The following GRID1 variants were observed in gnomAD, a reference collection of about 807,000 sequenced individuals.
GRID1 encodes glutamate receptor ionotropic, delta-1.
Under a neutral mutation model 98.0 loss-of-function variants are expected in GRID1, and 28 were observed. The ratio of observed to expected loss-of-function variants is 0.29; its 90% CI spans 0.21 to 0.39. The LOEUF (loss-of-function observed/expected upper bound fraction) is 0.39, where lower values mean the gene tolerates loss of function less well. GRID1 is among the 10% of genes least tolerant of loss of function. The probability of loss-of-function intolerance (pLI) is 1.00; values close to 1 mark genes in which losing one functional copy is unlikely to be tolerated. For missense variants in GRID1, 1,111 were observed against 1,340.5 expected (o/e 0.83, Z 2.67); for synonymous variants, 553 against 538.5 (o/e 1.03, Z -0.37).
chr10:85,751,495 G>A (rs1004407415), intron 8 of GRID1, among the ~76,000 whole-genome samples: 54 of 152,110 alleles, frequency 3.6e-4, no homozygotes, highest in Non-Finnish European at 5.9e-5. Context: ...TCACATCAAT[G>A]GGTCCACATG....
rs368917055 is a variant in GRID1, at chr10:85,735,846, G to GAGGA, written c.1234-6236_1234-6233dup. ...GATGCAGGGAAGGAAAGAAGGAAGG[G>GAGGA]AGGAAGGAAGGAAGGAAGGAAGGAG... On this transcript the variant is annotated intron_variant, in intron 8 of 15. Coordinates refer to ENST00000327946, the MANE Select transcript of GRID1 (RefSeq NM_017551.3). 4.1e-3 allele frequency among the ~76,000 whole-genome samples: 608 copies of GAGGA among 146,560 alleles called. 2 individuals are homozygous for GAGGA. Among genetic ancestry groups the GAGGA allele is most frequent in the Non-Finnish European group, 5.5e-3 (361 of 66,034 alleles).
At chr10:86,329,162 G>A (rs1192430342) in intron 2 of GRID1, among the ~76,000 whole-genome samples, 2 of 152,298 alleles carry the variant, frequency 1.3e-5, no homozygotes, top group African/African-American at 2.4e-5. Context: ...CATCCCTCCC[G>A]AGCCCTCTAA....
At chr10:86,337,456 C>T (rs1411764283) in intron 2 of GRID1, among the ~76,000 whole-genome samples, 1 of 152,158 alleles carries the variant, frequency 6.6e-6, no homozygotes, top group Non-Finnish European at 1.5e-5. Context: ...AGCTACAACA[C>T]CACAGAAAGC....
At chr10:86,150,410 C>T (rs2131979751) in intron 3 of GRID1, among the ~76,000 whole-genome samples, 1 of 152,350 alleles carries the variant, frequency 6.6e-6, no homozygotes, top group African/African-American at 2.4e-5. Context: ...AGAGGAATGA[C>T]CCACATCATT....
intron 6 of GRID1, among the ~76,000 whole-genome samples, chr10:85,864,358 C>G (rs1321402397): frequency 1.3e-5 from 2 of 152,240 alleles, no homozygotes. Flanking sequence ...GGGAGCTCCA[C>G]TCACTGCTGA....
At chr10:85,943,597 C>T (rs1318117173) in intron 4 of GRID1, among the ~76,000 whole-genome samples, 1 of 152,178 alleles carries the variant, frequency 6.6e-6, no homozygotes, top group Non-Finnish European at 1.5e-5. Flanking sequence ...TCCAGGCACA[C>T]TTAAAATCAC....
At chr10:86,210,544 A>G (rs1795473466) in intron 2 of GRID1, among the ~76,000 whole-genome samples, 2 of 152,210 alleles carry the variant, frequency 1.3e-5, no homozygotes, top group Admixed American at 1.3e-4. Context: ...TCTCTCCACC[A>G]AAGTCATGCC....
In GRID1 at chr10:86,111,237, C is replaced by T. The variant is rs140470412; in HGVS notation, c.726+27582G>A. Among the ~76,000 whole-genome samples, 704 of 152,308 alleles carry T rather than the reference C, an allele frequency of 4.6e-3. 4 individuals carry two copies. Among genetic ancestry groups the T allele is most frequent in the African/African-American group, 0.016 (646 of 41,566 alleles). On this transcript the variant is annotated intron_variant, in intron 4 of 15. Transcript: ENST00000327946. Reference sequence around the variant, plus strand: ...GCTCAGAACTGGAAGTTTGTCATCTCTGCCTACATGCCCTTGGCCACAGCA... The same window carrying T: ...GCTCAGAACTGGAAGTTTGTCATCTTTGCCTACATGCCCTTGGCCACAGCA...
chr10:86,146,737 C>T (rs988566627), intron 3 of GRID1, among the ~76,000 whole-genome samples: 3 of 152,208 alleles, frequency 2.0e-5, no homozygotes, highest in Admixed American at 6.5e-5. Context: ...AACTTCACAG[C>T]CCTGTCCTGG....
chr10:86,315,050 C>T (rs2353276), intron 2 of GRID1, among the ~76,000 whole-genome samples: 146,145 of 152,196 alleles, frequency 0.96, 70,281 homozygotes, highest in East Asian at 1. Flanking sequence ...GTGCCGCACC[C>T]AGTTCAGAGC....
chr10:85,838,280 G>C (rs934269043), intron 8 of GRID1, among the ~76,000 whole-genome samples: 2 of 152,090 alleles, frequency 1.3e-5, no homozygotes, highest in African/African-American at 4.8e-5. Flanking sequence ...TAGCTAGAGA[G>C]GTTAACATTC....
chr10:85,868,130 T>C (rs565823550), intron 6 of GRID1, among the ~76,000 whole-genome samples: 19 of 152,360 alleles, frequency 1.2e-4, no homozygotes, highest in African/African-American at 4.3e-4. Context: ...ATGGTGGAAC[T>C]AGTTTCAAAT....
At chr10:85,838,475 C>T (rs1470295284) in intron 8 of GRID1, among the ~76,000 whole-genome samples, 1 of 152,128 alleles carries the variant, frequency 6.6e-6, no homozygotes, top group African/African-American at 2.4e-5. Context: ...AGCTGAAATC[C>T]TACAAGCCAG....
chr10:86,156,820 G>A (rs973389500), intron 3 of GRID1, among the ~76,000 whole-genome samples: 5 of 152,200 alleles, frequency 3.3e-5, no homozygotes, highest in African/African-American at 1.2e-4. Flanking sequence ...CAGATAGGAG[G>A]GATACCCTAA....
chr10:86,176,975 C>A (rs1845584108), intron 3 of GRID1, among the ~76,000 whole-genome samples: 1 of 152,064 alleles, frequency 6.6e-6, no homozygotes, highest in African/African-American at 2.4e-5. Flanking sequence ...TAGACCAGAT[C>A]TGGAGGAGAA....
intron 5 of GRID1, among the ~76,000 whole-genome samples, chr10:85,901,212 A>ATTTATTTTAT (rs568611741): frequency 1.3e-5 from 2 of 149,336 alleles, no homozygotes; most frequent in African/African-American, 5.0e-5. Context: ...TTATTTATTC[A>ATTTATTTTAT]TTTATTTTAT....
Position 86,352,854 on chromosome 10 carries a change from G to T in GRID1, c.235+11087C>A, listed in dbSNP as rs542780323. On this transcript the variant is annotated intron_variant, in intron 2 of 15. Coordinates refer to ENST00000327946, the MANE Select transcript of GRID1 (RefSeq NM_017551.3). The stretch of plus-strand genomic sequence containing the variant: ...GAGGGCCACTCCCTGGGGTGGGCAG[G>T]CAGACTGGCTCCCTCTCATCCCACT... Among the ~76,000 whole-genome samples, 9 of 152,284 alleles carry T rather than the reference G, an allele frequency of 5.9e-5. No individual in the cohort carries two copies. The South Asian group carries it at 1.9e-3, about 32-fold the overall frequency.
At chr10:85,950,617 T>C (rs2882833) in intron 4 of GRID1, among the ~76,000 whole-genome samples, 151,325 of 152,318 alleles carry the variant, frequency 0.99, 75,171 homozygotes, top group Middle Eastern at 1. Context: ...TATTTAAAAG[T>C]AGAAGCACAT....
intron 4 of GRID1, among the ~76,000 whole-genome samples, chr10:85,968,983 G>A (rs1842373454): frequency 6.6e-6 from 1 of 152,170 alleles, no homozygotes; most frequent in African/African-American, 2.4e-5. Context: ...TAGGTTGAAA[G>A]TAAAACAATG....
Sources: gnomAD v4.1 joint callset for allele counts (sites outside exome capture counted in the v4.1 genomes callset) on GRCh38, gnomAD v4.1.1 for gene constraint, MANE v1.5 for transcripts, NCBI Gene and HGNC (gene_info 2026-07-23, HGNC 2026-07-21) for gene names.